The following STRN3 variants were observed in gnomAD, a reference collection of about 807,000 sequenced individuals.
STRN3 encodes striatin 3.
A neutral mutation model predicts 95.6 loss-of-function variants in STRN3; 29 were observed. That is an observed-to-expected ratio of 0.30 (90% confidence interval 0.23 to 0.41). The LOEUF (loss-of-function observed/expected upper bound fraction) is 0.41, where lower values mean the gene tolerates loss of function less well. Ranked by LOEUF, STRN3 falls within the 10% of genes least tolerant of loss-of-function variation. The pLI is 1.00. For synonymous variants in STRN3, 331 were observed against 357.6 expected, an observed-to-expected ratio of 0.93 and a Z score of 0.84; for missense variants, 890 against 972.1, an observed-to-expected ratio of 0.92 and a Z score of 1.12.
chr14:30,994,768 T>G (rs1050624790), intron 1 of STRN3, among the ~76,000 whole-genome samples: 43 of 152,380 alleles, frequency 2.8e-4, no homozygotes, highest in African/African-American at 9.9e-4. Context: ...ACTGGACTAC[T>G]GAGTGCCTCA....
chr14:30,957,452 CAAA>C lies in STRN3; in HGVS notation c.283-1213_283-1211del, dbSNP rs1307806856. On this transcript the variant is annotated intron_variant, in intron 1 of 17. Transcript: ENST00000357479. ...TAGGCGACAGAGTGAGACTCCATTT[CAAA>C]AAAAAAAAAAAAAAGAGAGAGAGAA... Among the ~76,000 whole-genome samples, 44 of 62,586 alleles carry C rather than the reference CAAA, an allele frequency of 7.0e-4. 1 individual carries two copies. In the South Asian group the frequency reaches 0.023, roughly 32 times the overall value. 41.1% of individuals were successfully genotyped at this position (62,586 alleles called of 152,430 possible). A position where few individuals can be genotyped will look rare whatever the true frequency, so the allele number is the denominator to read the frequency against.
intron 1 of STRN3, among the ~76,000 whole-genome samples, chr14:30,975,555 A>AAAAAAAAG (rs1555323063): frequency 7.0e-6 from 1 of 143,266 alleles, no homozygotes; most frequent in Non-Finnish European, 1.5e-5. Flanking sequence ...AAAAAAAAAA[A>AAAAAAAAG]AAGAAGAAGA....
At chr14:30,910,381 C>A (rs530919591) in intron 13 of STRN3, among the ~76,000 whole-genome samples, 1 of 152,278 alleles carries the variant, frequency 6.6e-6, no homozygotes, top group African/African-American at 2.4e-5. Flanking sequence ...TAGTGCTTAC[C>A]ACAATGCCTA....
chr14:30,944,555 A>ATATATATATATACATGTATATATACACG (rs1566449731), intron 5 of STRN3, among the ~76,000 whole-genome samples: 2 of 49,508 alleles, frequency 4.0e-5, no homozygotes, highest in South Asian at 5.9e-4. Flanking sequence ...ATATACACGT[A>ATATATATATATACATGTATATATACACG]TATATATATA....
At chr14:30,999,785 T>C (rs1882363630) in intron 1 of STRN3, among the ~76,000 whole-genome samples, 2 of 152,150 alleles carry the variant, frequency 1.3e-5, no homozygotes, top group Admixed American at 6.6e-5. Context: ...TCCCATGTGA[T>C]AGAAAACATT....
chr14:30,927,798 C>T (rs1216661567), intron 8 of STRN3, among the ~76,000 whole-genome samples: 2 of 151,570 alleles, frequency 1.3e-5, no homozygotes, highest in East Asian at 1.9e-4. Flanking sequence ...CATGGTGGCA[C>T]GTGCCTATAC....
chr14:30,974,425 A>G lies in STRN3; in HGVS notation c.283-18183T>C, dbSNP rs1478217025. On this transcript the variant is annotated intron_variant, in intron 1 of 17. Coordinates refer to ENST00000357479, the MANE Select transcript of STRN3 (RefSeq NM_001083893.2). ...TGCTGAAAGAAATTAAGACATAAAT[A>G]AATGAAACATATCTCATGTTAATGG... Among the ~76,000 whole-genome samples, 3 of 152,052 alleles carry G rather than the reference A, an allele frequency of 2.0e-5. No homozygotes were observed. The East Asian group carries it at 5.8e-4, about 29-fold the overall frequency.
chr14:30,975,020 A>G (rs559612597), intron 1 of STRN3, among the ~76,000 whole-genome samples: 2 of 150,432 alleles, frequency 1.3e-5, no homozygotes, highest in South Asian at 4.2e-4. Flanking sequence ...GCAATATAAT[A>G]TTATGTGAAA....
chr14:30,950,881 C>A lies in STRN3; in HGVS notation c.524G>T (p.Gly175Val), dbSNP rs1301341016. Residue 175 changes from glycine to valine, a missense_variant, in exon 4 of 18, where the codon GGC becomes GTC. Gly to Val is a moderately radical substitution (Grantham distance 109). This residue lies in a region of STRN3 where 526 missense variants were observed against 526.3 expected (regional missense o/e 1.00). Transcript: ENST00000357479. ...PQNSQLTWKQ[G>V]RQLLRQYLQE... is the part of the protein sequence containing the mutation. ...TACTCACTGTCTTAAAAGCTGTCTG[C>A]CTTGCTTCCACGTTAACTGGCTATT... 1 of 1,613,758 alleles carries A rather than the reference C, an allele frequency of 6.2e-7. No individual in the cohort carries two copies. The highest frequency in any genetic ancestry group is 1.3e-5 in the African/African-American group (1 of 74,916).
intron 1 of STRN3, among the ~76,000 whole-genome samples, chr14:31,003,817 A>AAAT (rs562797027): frequency 7.9e-6 from 1 of 127,274 alleles, no homozygotes; most frequent in African/African-American, 2.6e-5. Context: ...AAAAAAAAAA[A>AAAT]CTTGGTAGCA....
intron 1 of STRN3, among the ~76,000 whole-genome samples, chr14:30,966,333 A>G (rs1594510240): frequency 6.6e-6 from 1 of 152,170 alleles, no homozygotes; most frequent in East Asian, 1.9e-4. Flanking sequence ...GCTGAGAATT[A>G]AAAAGAAAAT....
intron 15 of STRN3, among the ~76,000 whole-genome samples, chr14:30,904,551 C>T (rs1329872387): frequency 6.6e-6 from 1 of 152,114 alleles, no homozygotes; most frequent in Non-Finnish European, 1.5e-5. Context: ...TTAATACACA[C>T]TAACTCCAAG....
At chr14:30,964,802 C>T (rs969243616) in intron 1 of STRN3, among the ~76,000 whole-genome samples, 5 of 152,034 alleles carry the variant, frequency 3.3e-5, no homozygotes, top group Non-Finnish European at 7.4e-5. Flanking sequence ...CACCTGTAAT[C>T]CCAAGTACTC....
intron 1 of STRN3, among the ~76,000 whole-genome samples, chr14:31,024,872 TAAACACA>T (rs1338055157): frequency 6.6e-6 from 1 of 152,180 alleles, no homozygotes; most frequent in Non-Finnish European, 1.5e-5. Context: ...TATTTAAAAA[TAAACACA>T]AATACCCAAG....
chr14:30,912,215 A>G lies in STRN3; in HGVS notation c.1375-33T>C, dbSNP rs777203528. On this transcript the variant is annotated intron_variant, in intron 10 of 17. Coordinates refer to ENST00000357479, the MANE Select transcript of STRN3 (RefSeq NM_001083893.2). ...GAAAGAGCACAATATTTAGTGGTAAAAGTAGTAAACTGGAAGGCATGTGGA... is the reference window on the plus strand; with the variant it reads ...GAAAGAGCACAATATTTAGTGGTAAGAGTAGTAAACTGGAAGGCATGTGGA... 68 of 1,597,368 alleles carry G rather than the reference A, an allele frequency of 4.3e-5. No homozygotes were observed. The Admixed American group carries it at 1.2e-3, about 27-fold the overall frequency.
chr14:30,945,201 T>C (rs1339749925), intron 5 of STRN3, among the ~76,000 whole-genome samples: 2 of 152,206 alleles, frequency 1.3e-5, no homozygotes, highest in East Asian at 1.9e-4. Flanking sequence ...AGAATCCTTT[T>C]AGTACTGCTG....
intron 1 of STRN3, chr14:31,025,703 G>GT (rs1465132363): frequency 3.8e-6 from 3 of 786,096 alleles, no homozygotes; most frequent in Non-Finnish European, 5.8e-6. Flanking sequence ...GCCAGTGAAG[G>GT]TTGGGGAGCA....
intron 1 of STRN3, among the ~76,000 whole-genome samples, chr14:30,972,768 T>C (rs1334697111): frequency 3.3e-5 from 5 of 152,200 alleles, no homozygotes; most frequent in Admixed American, 2.6e-4. Flanking sequence ...ATTGCGCCAC[T>C]GCACTCCAGC....
At position 30,902,554 on chromosome 14, in the gene STRN3, A is replaced by C. The variant is rs1349967229; in HGVS notation, c.2119T>G (p.Phe707Val). ...ITAHEDRHIK[F>V]FDNKTGKMIH... ...TGCTTACCCGTTTTATTGTCAAAAA[A>C]TTTGATGTGTCTATCTTCATGAGCA... Residue 707 changes from phenylalanine to valine, a missense_variant, in exon 16 of 18, where the codon TTT (phenylalanine) becomes GTT (valine). Phe to Val is a conservative substitution (Grantham distance 50, BLOSUM62 -1). Coordinates refer to ENST00000357479, the MANE Select transcript of STRN3 (RefSeq NM_001083893.2). The C allele has an allele frequency of 1.9e-6, 3 of 1,599,950 alleles. No homozygotes were observed. Among genetic ancestry groups the C allele is most frequent in the Non-Finnish European group, 2.6e-6 (3 of 1,174,848 alleles).
Sources: allele counts gnomAD v4.1 joint callset (sites outside exome capture counted in the v4.1 genomes callset), GRCh38; gene constraint gnomAD v4.1.1; regional missense constraint gnomAD v4.1.1; transcripts MANE v1.5; gene names NCBI Gene and HGNC (gene_info 2026-07-23, HGNC 2026-07-21).